CRACD: variants seen among roughly 807,000 people sequenced by gnomAD.
CRACD encodes capping protein-inhibiting regulator of actin dynamics.
Under a neutral mutation model 106.8 loss-of-function variants are expected in CRACD, and 56 were observed. That is an observed-to-expected ratio of 0.52 (90% CI 0.42 to 0.66). The LOEUF (loss-of-function observed/expected upper bound fraction) is 0.66, where lower values mean the gene tolerates loss of function less well. CRACD is among the 30% of genes least tolerant of loss of function. CRACD has a pLI of 0.00. For synonymous variants in CRACD, 754 were observed against 670.8 expected, an observed-to-expected ratio of 1.12 and a Z score of -1.92; for missense variants, 1,730 against 1,623.2, an observed-to-expected ratio of 1.07 and a Z score of -1.13.
At chr4:56,138,318 G>A (rs1735075235) in intron 1 of CRACD, among the ~76,000 whole-genome samples, 1 of 152,044 alleles carries the variant, frequency 6.6e-6, no homozygotes, top group South Asian at 2.1e-4. Context: ...ACAAAAATTA[G>A]CTGGGTGTAA....
chr4:56,188,514 T>A (rs1475188208), intron 2 of CRACD, among the ~76,000 whole-genome samples: 2 of 151,916 alleles, frequency 1.3e-5, no homozygotes, highest in Non-Finnish European at 2.9e-5. Context: ...CCTTAAAGGA[T>A]AAATTCAACA....
chr4:56,190,154 A>G (rs1198417116), intron 2 of CRACD, among the ~76,000 whole-genome samples: 1 of 151,542 alleles, frequency 6.6e-6, no homozygotes, highest in Non-Finnish European at 1.5e-5. Flanking sequence ...TGAACTCATC[A>G]TTTTTTATGG....
At chr4:56,081,015 T>C (rs1279423931) in intron 1 of CRACD, among the ~76,000 whole-genome samples, 2 of 152,248 alleles carry the variant, frequency 1.3e-5, no homozygotes, top group Non-Finnish European at 2.9e-5. Flanking sequence ...TGTTTTTTGT[T>C]TATTTATTAC....
intron 2 of CRACD, among the ~76,000 whole-genome samples, chr4:56,257,703 C>A (rs73162422): frequency 0.11 from 16,181 of 151,928 alleles, 2,078 homozygotes; most frequent in East Asian, 0.61. Flanking sequence ...CTTGTGGGGG[C>A]AACATAGTAG....
intron 2 of CRACD, among the ~76,000 whole-genome samples, chr4:56,206,633 T>A (rs1738133770): frequency 6.6e-6 from 1 of 152,330 alleles, no homozygotes; most frequent in South Asian, 2.1e-4. Context: ...TCCAGTTAGA[T>A]GATGTTGCAT....
chr4:56,306,905 GT>G (rs1251531764), intron 4 of CRACD, among the ~76,000 whole-genome samples: 1 of 152,174 alleles, frequency 6.6e-6, no homozygotes, highest in African/African-American at 2.4e-5. Context: ...CCTTTATAGG[GT>G]TTTAGTATTG....
At chr4:56,249,188 C>G (rs936251169) in intron 2 of CRACD, among the ~76,000 whole-genome samples, 1 of 149,854 alleles carries the variant, frequency 6.7e-6, no homozygotes, top group Non-Finnish European at 1.5e-5. Flanking sequence ...TACAGTCCCA[C>G]CAACAGTGTA....
At chr4:56,216,988 A>AAAAAAAAAAAAAAAG (rs1303758692) in intron 2 of CRACD, among the ~76,000 whole-genome samples, 2 of 92,418 alleles carry the variant, frequency 2.2e-5, no homozygotes, top group Non-Finnish European at 2.9e-5. Flanking sequence ...CTCCGTCTCA[A>AAAAAAAAAAAAAAAG]AAAAAAAAAA....
intron 1 of CRACD, among the ~76,000 whole-genome samples, chr4:56,154,346 G>A (rs1246694158): frequency 2.0e-5 from 3 of 152,036 alleles, no homozygotes; most frequent in Admixed American, 1.3e-4. Flanking sequence ...TGCACCTGTA[G>A]TCCCAGCTAC....
intron 3 of CRACD, among the ~76,000 whole-genome samples, chr4:56,293,613 A>G (rs976872157): frequency 1.3e-5 from 2 of 152,250 alleles, no homozygotes; most frequent in African/African-American, 4.8e-5. Context: ...GAAGCTTCCA[A>G]TCATGGCAGA....
At chr4:56,280,535 C>T (rs1399421244) in intron 3 of CRACD, among the ~76,000 whole-genome samples, 1 of 152,208 alleles carries the variant, frequency 6.6e-6, no homozygotes, top group African/African-American at 2.4e-5. Flanking sequence ...CTTCCTTGAC[C>T]TTTCCCTAAA....
At chr4:56,243,128 C>T (rs1740465708) in intron 2 of CRACD, among the ~76,000 whole-genome samples, 1 of 152,214 alleles carries the variant, frequency 6.6e-6, no homozygotes, top group African/African-American at 2.4e-5. Context: ...CTTCCAGATT[C>T]CCCTACAGTG....
chr4:56,228,606 C>CA (rs1739440320), intron 2 of CRACD, among the ~76,000 whole-genome samples: 1 of 106,116 alleles, frequency 9.4e-6, no homozygotes, highest in Non-Finnish European at 2.0e-5. Flanking sequence ...ACCATCTCTA[C>CA]CAAAAAAAAA....
chr4:56,228,365 T>C (rs903448503), intron 2 of CRACD, among the ~76,000 whole-genome samples: 21 of 152,120 alleles, frequency 1.4e-4, no homozygotes, highest in Non-Finnish European at 3.1e-4. Context: ...GTAAATTATA[T>C]TGAGTACAAT....
At chr4:56,310,769 T>C in intron 6 of CRACD, 35 bp downstream of exon 6, 1 of 1,444,166 alleles carries the variant, frequency 6.9e-7, no homozygotes. Flanking sequence ...TTGGCTTCTT[T>C]CCTTACTTAA....
At chr4:56,303,039 A>G (rs1362587957) in intron 4 of CRACD, among the ~76,000 whole-genome samples, 1 of 152,076 alleles carries the variant, frequency 6.6e-6, no homozygotes, top group African/African-American at 2.4e-5. Flanking sequence ...TATACTTCCC[A>G]TGTGTATAAA....
intron 1 of CRACD, among the ~76,000 whole-genome samples, chr4:56,147,898 T>C (rs1350944936): frequency 1.3e-5 from 2 of 152,220 alleles, no homozygotes; most frequent in Non-Finnish European, 2.9e-5. Flanking sequence ...TGACTGTATT[T>C]TGAGATGGGG....
At chr4:56,180,971 A>G (rs1343387240) in intron 2 of CRACD, among the ~76,000 whole-genome samples, 1 of 152,184 alleles carries the variant, frequency 6.6e-6, no homozygotes, top group Non-Finnish European at 1.5e-5. Flanking sequence ...GTAATAATTA[A>G]AGTGGTCATT....
At chr4:56,087,188 T>A (rs1370040425) in intron 1 of CRACD, among the ~76,000 whole-genome samples, 1 of 152,070 alleles carries the variant, frequency 6.6e-6, no homozygotes, top group Admixed American at 6.5e-5. Context: ...AATTTTTGTA[T>A]TTTTAGTAGA....
Sources: allele counts gnomAD v4.1 joint callset (sites outside exome capture counted in the v4.1 genomes callset), GRCh38; gene constraint gnomAD v4.1.1; transcripts MANE v1.5; gene names NCBI Gene and HGNC (gene_info 2026-07-23, HGNC 2026-07-21).